The following FBLN1 variants were observed in gnomAD, a reference collection of about 807,000 sequenced individuals.
FBLN1 encodes the protein fibulin-1.
FBLN1 carries 34 observed loss-of-function variants against 89.7 expected under a neutral mutation model. The ratio of observed to expected loss-of-function variants is 0.38; its 90% CI spans 0.29 to 0.50. FBLN1 has a LOEUF of 0.50. FBLN1 is among the 20% of genes least tolerant of loss of function. FBLN1 has a pLI of 0.92. For missense variants in FBLN1, 777 were observed against 988.1 expected (o/e 0.79, Z 2.86); for synonymous variants, 393 against 391.3 (o/e 1.00, Z -0.05).
In FBLN1 at chr22:45,525,798, A is replaced by T. The variant is rs2146960086; in HGVS notation, c.321+120A>T. On this transcript the variant is annotated intron_variant, in intron 3 of 16. Coordinates refer to ENST00000327858, the MANE Select transcript of FBLN1 (RefSeq NM_006486.3). ...CTGCCTCAGGCCACCTTTCTTTGTG[A>T]GCAGCTGGGGGTTCCTGGGCCAGGA... 6 of 1,349,272 alleles carry T rather than the reference A, an allele frequency of 4.4e-6. No individual in the cohort carries two copies. In the East Asian group the frequency reaches 1.5e-4, roughly 34 times the overall value. 83.6% of individuals were successfully genotyped at this position (1,349,272 alleles called of 1,614,324 possible).
chr22:45,555,668 ATCCTTCAATCCAATCAAG>A (rs1196666854), intron 14 of FBLN1, among the ~76,000 whole-genome samples: 7 of 152,144 alleles, frequency 4.6e-5, no homozygotes, highest in African/African-American at 1.7e-4. Flanking sequence ...AATACTTTGT[ATCCTTCAATCCAATCAAG>A]TTGACACTCA....
At chr22:45,506,266 TCTA>T (rs1359791319) in intron 1 of FBLN1, among the ~76,000 whole-genome samples, 1 of 152,136 alleles carries the variant, frequency 6.6e-6, no homozygotes, top group Non-Finnish European at 1.5e-5. Flanking sequence ...CTCTGCACAT[TCTA>T]CTACTACTGA....
Position 45,575,600 on chromosome 22 carries a change from C to A in FBLN1, c.1840+947C>A, listed in dbSNP as rs938412756. On this transcript the variant is annotated intron_variant, in intron 15 of 16. Transcript: ENST00000327858. This position sits in a 1 kb window ranked among gnomAD's most constrained non-coding sequence, Gnocchi z 6.3. Reference sequence around the variant, plus strand: ...GGCCAGGTGAACTGGAGGGGCCAGACGGGGAGCAGGAAGCTCAGGTGTAAC... The same window carrying A: ...GGCCAGGTGAACTGGAGGGGCCAGAAGGGGAGCAGGAAGCTCAGGTGTAAC... 1.3e-5 allele frequency among the ~76,000 whole-genome samples: 2 copies of A among 152,120 alleles called. No individual in the cohort carries two copies. Among genetic ancestry groups the A allele is most frequent in the Non-Finnish European group, 2.9e-5 (2 of 68,012 alleles).
intron 1 of FBLN1, chr22:45,517,376 A>G: frequency 2.9e-6 from 1 of 348,250 alleles, no homozygotes; most frequent in Non-Finnish European, 5.7e-6. Context: ...GGCACCTGGC[A>G]CCCGGCCGCT....
Position 45,532,846 on chromosome 22 carries a change from G to C in FBLN1, c.545-217G>C, listed in dbSNP as rs973802846. On this transcript the variant is annotated intron_variant, in intron 5 of 16. Transcript: ENST00000327858. The surrounding 1 kb of genome is among the most constrained non-coding windows in gnomAD (Gnocchi z 4.2). ...TGCACACCACCTGATTTTCCAGACG[G>C]GGAGGTTGGGACCTGAAGCAGCAGC... 1 of 604,086 alleles carries C rather than the reference G, an allele frequency of 1.7e-6. No homozygotes were observed. Among genetic ancestry groups the C allele is most frequent in the Non-Finnish European group, 3.0e-6 (1 of 338,048 alleles). The allele number at this position is 604,086 out of a possible 1,614,324, so 37.4% of individuals were successfully genotyped here. A position where few individuals can be genotyped will look rare whatever the true frequency, so the allele number is the denominator to read the frequency against.
chr22:45,543,626 C>T, intron 11 of FBLN1, 100 bp downstream of exon 11: 1 of 1,450,212 alleles, frequency 6.9e-7, no homozygotes, highest in Non-Finnish European at 9.4e-7. Flanking sequence ...GCGATGGTTT[C>T]CCTGTTAAAT....
At chr22:45,591,177 G>T (rs1430773757) in intron 16 of FBLN1, among the ~76,000 whole-genome samples, 1 of 152,186 alleles carries the variant, frequency 6.6e-6, no homozygotes, top group African/African-American at 2.4e-5. Flanking sequence ...CTCCAGTTCT[G>T]GTTTACTGCT....
At position 45,535,293 on chromosome 22, in the gene FBLN1, A is replaced by G. The variant is rs1399577201; in HGVS notation, c.878A>G (p.Gln293Arg). Residue 293 changes from glutamine to arginine, a missense_variant, in exon 8 of 17, where the codon CAG becomes CGG. Transcript: ENST00000327858. ...TCCTTCCGCTGCCGACCCAAGCTAC[A>G]GTGCAAGAGTGGCTTTATACAAGAT... ...LGSFRCRPKL[Q>R]CKSGFIQDAL... 11 of 1,614,030 alleles carry G rather than the reference A, an allele frequency of 6.8e-6. No individual in the cohort carries two copies. Among genetic ancestry groups the G allele is most frequent in the Admixed American group, 1.7e-5 (1 of 60,004 alleles).
At position 45,561,453 on chromosome 22, in the gene FBLN1, T is replaced by G. The variant is rs1203761930; in HGVS notation, c.1697+10838T>G. 6.6e-6 allele frequency among the ~76,000 whole-genome samples: 1 copy of G among 152,236 alleles called. No homozygotes were observed. The highest frequency in any genetic ancestry group is 2.4e-5 in the African/African-American group (1 of 41,458). ...TCAAAGATATTATGTATAGAGTCAC[T>G]AAACTTGCCTCATGAGCGATGAATC... On this transcript the variant is annotated intron_variant, in intron 14 of 16. Transcript: ENST00000327858. This position sits in a 1 kb window ranked among gnomAD's most constrained non-coding sequence, Gnocchi z 4.7.
intron 7 of FBLN1, among the ~76,000 whole-genome samples, chr22:45,534,570 T>A (rs1158054203): frequency 2.6e-5 from 4 of 152,208 alleles, no homozygotes; most frequent in African/African-American, 9.6e-5. Flanking sequence ...TGTAAAAATG[T>A]CACTCACTGT....
Position 45,561,376 on chromosome 22 carries a change from A to G in FBLN1, c.1697+10761A>G, listed in dbSNP as rs139692228. Among the ~76,000 whole-genome samples, 4 of 152,280 alleles carry G rather than the reference A, an allele frequency of 2.6e-5. No homozygotes were observed. The highest frequency in any genetic ancestry group is 5.9e-5 in the Non-Finnish European group (4 of 68,022). Reference sequence around the variant, plus strand: ...TTTCTTTCATCACTTTGTCCACTAAACTTAGGAGCAACCAACCAGCTTCAT... The same window carrying G: ...TTTCTTTCATCACTTTGTCCACTAAGCTTAGGAGCAACCAACCAGCTTCAT... On this transcript the variant is annotated intron_variant, in intron 14 of 16. Transcript: ENST00000327858. This position sits in a 1 kb window ranked among gnomAD's most constrained non-coding sequence, Gnocchi z 4.7.
chr22:45,599,685 A>G (rs747498040), intron 16 of FBLN1, among the ~76,000 whole-genome samples: 18 of 152,166 alleles, frequency 1.2e-4, no homozygotes, highest in Admixed American at 3.9e-4. Context: ...TGGGAGGCCA[A>G]AGCGGGTGGA....
chr22:45,565,920 G>A, intron 14 of FBLN1: 1 of 154,582 alleles, frequency 6.5e-6, no homozygotes, highest in South Asian at 1.9e-4. Flanking sequence ...AAATTAGCTG[G>A]GTATGGTGGC....
In FBLN1 at chr22:45,502,978, C is replaced by T. The variant is rs1339724019; in HGVS notation, c.-8C>T. ...CCGCCGCCGCCCACCGCCCGTCGCC[C>T]GCCGCCCATGGAGCGCGCCGCGCCG... On this transcript the variant is annotated 5_prime_UTR_variant, in exon 1 of 17. Coordinates refer to ENST00000327858, the MANE Select transcript of FBLN1 (RefSeq NM_006486.3). 9 of 1,186,918 alleles carry T rather than the reference C, an allele frequency of 7.6e-6. No homozygotes were observed. The highest frequency in any genetic ancestry group is 9.4e-6 in the Non-Finnish European group (9 of 958,734). The allele number at this position is 1,186,918 out of a possible 1,614,324, so 73.5% of individuals were successfully genotyped here. A position where few individuals can be genotyped will look rare whatever the true frequency, so the allele number is the denominator to read the frequency against.
intron 2 of FBLN1, 68 bp from the exon 3 acceptor site, chr22:45,525,475 C>A (rs988521136): frequency 6.3e-5 from 92 of 1,462,782 alleles, no homozygotes; most frequent in Non-Finnish European, 8.2e-5. Context: ...GCACCCCCAC[C>A]CCCGAGGATC....
rs749763092 is a variant in FBLN1, at chr22:45,542,160, G to A, written c.1072G>A (p.Asp358Asn). The change falls in exon 10 of 17, where the codon GAC becomes AAC. Residue 358 changes from aspartate (D) to asparagine (N), a missense_variant. Coordinates refer to ENST00000327858, the MANE Select transcript of FBLN1 (RefSeq NM_006486.3). ...CTTTCTTTCTCCTTTGCAAGATGTG[G>A]ACGAGTGCGCGCCACCTGCTGAGCC... ...NEEGTRCVDVDECAPPAEPCG... is the reference protein window; with the variant it reads ...NEEGTRCVDVNECAPPAEPCG... 1 of 1,614,210 alleles carries A rather than the reference G, an allele frequency of 6.2e-7. No homozygotes were observed. Among genetic ancestry groups the A allele is most frequent in the Non-Finnish European group, 8.5e-7 (1 of 1,180,042 alleles).
chr22:45,503,215 C>T lies in FBLN1; in HGVS notation c.79+151C>T, dbSNP rs572135713. 299 of 382,410 alleles carry T rather than the reference C, an allele frequency of 7.8e-4. 4 individuals are homozygous for T. Among genetic ancestry groups the T allele is most frequent in the Non-Finnish European group, 1.0e-3 (242 of 237,540 alleles). 23.7% of individuals were successfully genotyped at this position (382,410 alleles called of 1,614,324 possible). On this transcript the variant is annotated intron_variant, in intron 1 of 16. Transcript: ENST00000327858. ...TGTCAGCGCCGAGGCCTCGGCGACG[C>T]CCCCCTCCCCCACGGCCAGCTCCGG...
In FBLN1 at chr22:45,576,876, G is replaced by A; in HGVS notation, c.1841-101G>A. 1 of 1,440,358 alleles carries A rather than the reference G, an allele frequency of 6.9e-7. No individual in the cohort carries two copies. 89.2% of individuals were successfully genotyped at this position (1,440,358 alleles called of 1,614,324 possible). A position where few individuals can be genotyped will look rare whatever the true frequency, so the allele number is the denominator to read the frequency against. On this transcript the variant is annotated intron_variant, in intron 15 of 16. Transcript: ENST00000327858. This position sits in a 1 kb window ranked among gnomAD's most constrained non-coding sequence, Gnocchi z 5.2. ...ATGTTGTCTCATGAAAGGGCCCTGG[G>A]TTAGGTCTTCATTCCCCAAGGGTGA... is the stretch of plus-strand genomic sequence containing the variant.
chr22:45,574,514 C>T lies in FBLN1; in HGVS notation c.1701C>T (p.Leu567=), dbSNP rs773798382. 22 of 1,614,046 alleles carry T rather than the reference C, an allele frequency of 1.4e-5. No homozygotes were observed. Among genetic ancestry groups the T allele is most frequent in the Non-Finnish European group, 1.9e-5 (22 of 1,180,052 alleles). Residue 567 remains leucine, a synonymous_variant, in exon 15 of 17, where the codon CTC becomes CTT. Coordinates refer to ENST00000327858, the MANE Select transcript of FBLN1 (RefSeq NM_006486.3). This position sits in a 1 kb window ranked among gnomAD's most constrained non-coding sequence, Gnocchi z 4.1. ...PENYRRSAAT[L]QQEKTDTVRC... Reference sequence around the variant, plus strand: ...CGTGTGCTGTGGTTCCCCTCAGGCTCCAGCAGGAGAAGACAGACACGGTCC... The same window carrying T: ...CGTGTGCTGTGGTTCCCCTCAGGCTTCAGCAGGAGAAGACAGACACGGTCC...
Sources: allele counts gnomAD v4.1 joint callset (sites outside exome capture counted in the v4.1 genomes callset), GRCh38; gene constraint gnomAD v4.1.1; non-coding constraint Gnocchi (gnomAD v3.1); transcripts MANE v1.5; gene names NCBI Gene and HGNC (gene_info 2026-07-23, HGNC 2026-07-21).